The following KCNT1 variants were observed in gnomAD, a reference collection of about 807,000 sequenced individuals.
KCNT1 encodes potassium channel subfamily T member 1.
Under a neutral mutation model 147.8 loss-of-function variants are expected in KCNT1, and 78 were observed. The ratio of observed to expected loss-of-function variants is 0.53; its 90% CI spans 0.44 to 0.64. The LOEUF (loss-of-function observed/expected upper bound fraction) is 0.64. Ranked by LOEUF, KCNT1 falls within the 30% of genes least tolerant of loss-of-function variation. The pLI is 0.00. For synonymous variants in KCNT1, 867 were observed against 748.8 expected, an observed-to-expected ratio of 1.16 and a Z score of -2.58; for missense variants, 1,419 against 1,750.3, an observed-to-expected ratio of 0.81 and a Z score of 3.38.
At chr9:135,758,648 G>A (rs561936612) in intron 10 of KCNT1, 140 bp downstream of exon 10, 253 of 688,640 alleles carry the variant, frequency 3.7e-4, no homozygotes, top group African/African-American at 1.4e-3. Context: ...TGCGGGTGTC[G>A]GGCCACCAAG....
At chr9:135,753,070 ATGGATGGATGAG>A (rs1244263764) in intron 4 of KCNT1, among the ~76,000 whole-genome samples, 4 of 149,632 alleles carry the variant, frequency 2.7e-5, no homozygotes, top group Non-Finnish European at 5.9e-5. Context: ...GGATAGAGGG[ATGGATGGATGAG>A]TGGATGGATG....
intron 19 of KCNT1, among the ~76,000 whole-genome samples, 187 bp downstream of exon 19, chr9:135,773,136 A>ACC (rs897032413): frequency 6.6e-6 from 1 of 152,130 alleles, no homozygotes; most frequent in African/African-American, 2.4e-5. Flanking sequence ...GGGCCACATC[A>ACC]CCCTCGTCGC....
chr9:135,776,241 G>A (rs1195632904), intron 20 of KCNT1, among the ~76,000 whole-genome samples: 3 of 152,052 alleles, frequency 2.0e-5, no homozygotes, highest in Non-Finnish European at 2.9e-5. Context: ...CCCTCAGTGG[G>A]TTCTTTTTTG....
At chr9:135,729,820 C>G (rs570928729) in intron 2 of KCNT1, among the ~76,000 whole-genome samples, 1 of 152,332 alleles carries the variant, frequency 6.6e-6, no homozygotes, top group South Asian at 2.1e-4. Flanking sequence ...CGTGTGGCCT[C>G]AGGTCCTGGT....
chr9:135,736,238 G>A (rs1395346696), intron 2 of KCNT1, among the ~76,000 whole-genome samples: 2 of 152,140 alleles, frequency 1.3e-5, no homozygotes, highest in East Asian at 3.9e-4. Flanking sequence ...CATCCTGAGC[G>A]CCAGGCCTGG....
chr9:135,728,644 C>T (rs1036630885), intron 2 of KCNT1, among the ~76,000 whole-genome samples: 25 of 152,212 alleles, frequency 1.6e-4, no homozygotes, highest in African/African-American at 5.3e-4. Flanking sequence ...GAGTGAGGGC[C>T]GCAGCCACGG....
intron 24 of KCNT1, among the ~76,000 whole-genome samples, chr9:135,779,984 G>C (rs1489367423): frequency 2.6e-5 from 4 of 152,260 alleles, no homozygotes; most frequent in Non-Finnish European, 5.9e-5. Flanking sequence ...GGCCTGAGAG[G>C]GAAGGGGCCT....
Position 135,766,470 on chromosome 9 carries a change from C to T in KCNT1, c.1337+710C>T, listed in dbSNP as rs577729659. The stretch of plus-strand genomic sequence containing the variant: ...CTGGGGTAGATCATCAGGGGCGGAC[C>T]GTCTGGGGTATACCCTCTGGGGTTG... On this transcript the variant is annotated intron_variant, in intron 13 of 30. Coordinates refer to ENST00000371757, the MANE Select transcript of KCNT1 (RefSeq NM_020822.3). 6.6e-5 allele frequency among the ~76,000 whole-genome samples: 10 copies of T among 151,240 alleles called. No individual in the cohort carries two copies. The South Asian group carries it at 8.4e-4, about 13-fold the overall frequency.
intron 24 of KCNT1, among the ~76,000 whole-genome samples, chr9:135,780,037 G>C (rs545806087): frequency 6.6e-6 from 1 of 152,250 alleles, no homozygotes; most frequent in East Asian, 1.9e-4. Flanking sequence ...GCTGGAATTG[G>C]CTTTCTGCCC....
chr9:135,727,024 C>T (rs1308695625), intron 2 of KCNT1, among the ~76,000 whole-genome samples: 4 of 99,136 alleles, frequency 4.0e-5, no homozygotes, highest in South Asian at 3.9e-4. Context: ...TCTCCCTCTC[C>T]CTCTCTTTCC....
intron 2 of KCNT1, among the ~76,000 whole-genome samples, chr9:135,724,249 C>A (rs1410840435): frequency 3.3e-5 from 5 of 152,240 alleles, no homozygotes; most frequent in African/African-American, 1.2e-4. Flanking sequence ...TCCCCGGAGG[C>A]CAGGCTGGGG....
At chr9:135,756,968 T>TACCCCC in intron 7 of KCNT1, 36 bp downstream of exon 7, 1 of 852,572 alleles carries the variant, frequency 1.2e-6, no homozygotes, top group Non-Finnish European at 1.6e-6. Flanking sequence ...TCACAGGGGG[T>TACCCCC]CCCCACCCTC....
intron 19 of KCNT1, among the ~76,000 whole-genome samples, chr9:135,774,065 G>C (rs1832938805): frequency 6.6e-6 from 1 of 152,032 alleles, no homozygotes; most frequent in African/African-American, 2.4e-5. Flanking sequence ...TTATGTGTGT[G>C]GTGTGTGTCC....
At chr9:135,724,475 A>T (rs1351529786) in intron 2 of KCNT1, among the ~76,000 whole-genome samples, 1 of 152,226 alleles carries the variant, frequency 6.6e-6, no homozygotes, top group African/African-American at 2.4e-5. Context: ...GTGGTCGGCG[A>T]GGGGCGTGGC....
chr9:135,746,244 C>T (rs1407941495), intron 2 of KCNT1, among the ~76,000 whole-genome samples: 4 of 152,212 alleles, frequency 2.6e-5, no homozygotes, highest in Non-Finnish European at 4.4e-5. Context: ...TCTGCCTCCA[C>T]GTGGAGGGTG....
intron 13 of KCNT1, among the ~76,000 whole-genome samples, chr9:135,766,943 G>GC (rs1832331160): frequency 6.6e-6 from 1 of 152,188 alleles, no homozygotes; most frequent in African/African-American, 2.4e-5. Context: ...GGGAGAACGG[G>GC]CTGAAGGTAG....
At chr9:135,725,508 C>A (rs1364526951) in intron 2 of KCNT1, among the ~76,000 whole-genome samples, 1 of 152,204 alleles carries the variant, frequency 6.6e-6, no homozygotes, top group African/African-American at 2.4e-5. Flanking sequence ...GCGGAGGACC[C>A]GCTACGCTTG....
rs1167680372 is a variant in KCNT1, at chr9:135,757,289, C to A, written c.676-9C>A. On this transcript the variant is annotated splice_polypyrimidine_tract_variant and intron_variant, in intron 8 of 30. Coordinates refer to ENST00000371757, the MANE Select transcript of KCNT1 (RefSeq NM_020822.3). ...CTGGAGCCCCAGCCCTGACCTGTCC[C>A]CTTCACAGATCTTCTGGCCGCCGCT... The A allele has an allele frequency of 1.2e-6, 2 of 1,612,704 alleles. No individual in the cohort carries two copies. The highest frequency in any genetic ancestry group is 8.5e-7 in the Non-Finnish European group (1 of 1,179,982).
intron 11 of KCNT1, among the ~76,000 whole-genome samples, chr9:135,764,055 A>AAG (rs369424029): frequency 2.2e-4 from 34 of 152,310 alleles, no homozygotes; most frequent in African/African-American, 5.3e-4. Flanking sequence ...CACCGGAACA[A>AAG]AGCAGGCGCT....
Sources: gnomAD v4.1 joint callset for allele counts (sites outside exome capture counted in the v4.1 genomes callset) on GRCh38, gnomAD v4.1.1 for gene constraint, MANE v1.5 for transcripts, NCBI Gene and HGNC (gene_info 2026-07-23, HGNC 2026-07-21) for gene names.